Variants in ZFX observed in about 807,000 individuals in gnomAD.
ZFX encodes the protein zinc finger X-chromosomal protein.
For missense variants in ZFX, 362 were observed against 628.3 expected (o/e 0.58, Z 4.53); for synonymous variants, 196 against 226.8 (o/e 0.86, Z 1.22).
chrX:24,182,200 G>T (rs1935745981), intron 5 of ZFX, among the ~76,000 whole-genome samples: 1 of 111,065 alleles, frequency 9.0e-6, no homozygotes, highest in South Asian at 3.8e-4. Context: ...GTTACAGTTT[G>T]AATTGCTTGT....
rs1470147776 is a variant in ZFX, at chrX:24,213,722, TC to T, written c.*2348del. ...TTTAAACTAACTTACAATTTTGTGA[TC>T]CGTGATTCATTGCCCTGCGATTCTT... On this transcript the variant is annotated 3_prime_UTR_variant, in exon 10 of 10. Transcript: ENST00000304543. 1.9e-5 allele frequency: 2 copies of T among 105,747 alleles called. No homozygotes were observed. Among genetic ancestry groups the T allele is most frequent in the Admixed American group, 1.0e-4 (1 of 9,596 alleles). 8.7% of individuals were successfully genotyped at this position (105,747 alleles called of 1,213,427 possible).
chrX:24,167,803 G>T (rs1934146980), intron 3 of ZFX, among the ~76,000 whole-genome samples: 1 of 111,801 alleles, frequency 8.9e-6, no homozygotes, highest in African/African-American at 3.2e-5. Context: ...ATGCTAGTAA[G>T]AATGAACAGA....
intron 1 of ZFX, among the ~76,000 whole-genome samples, chrX:24,151,058 G>A (rs769625925): frequency 1.4e-4 from 16 of 111,989 alleles, no homozygotes; most frequent in Non-Finnish European, 2.6e-4. Context: ...TTGTGCATTT[G>A]CCTGTCATGG....
At chrX:24,193,151 T>C (rs1027901595) in intron 5 of ZFX, among the ~76,000 whole-genome samples, 15 of 112,004 alleles carry the variant, frequency 1.3e-4, no homozygotes, top group African/African-American at 4.5e-4. Context: ...TTCATAGCAG[T>C]ATTATTCACA....
At chrX:24,177,168 G>A (rs1405430478) in intron 4 of ZFX, among the ~76,000 whole-genome samples, 4 of 111,731 alleles carry the variant, frequency 3.6e-5, no homozygotes, top group African/African-American at 9.7e-5. Flanking sequence ...TCCTGACCTC[G>A]GGATCTGCCC....
At chrX:24,166,800 A>G (rs2147413585) in intron 3 of ZFX, among the ~76,000 whole-genome samples, 1 of 112,235 alleles carries the variant, frequency 8.9e-6, no homozygotes, top group Non-Finnish European at 1.9e-5. Flanking sequence ...CCTCAGTGGT[A>G]TGAATCAGAA....
At chrX:24,152,974 T>A (rs1320332880) in intron 3 of ZFX, 144 bp downstream of exon 3, 2 of 112,712 alleles carry the variant, frequency 1.8e-5, no homozygotes, top group Non-Finnish European at 3.7e-5. Flanking sequence ...TGTTAGTTTT[T>A]AATTTCTGTG....
intron 5 of ZFX, among the ~76,000 whole-genome samples, chrX:24,204,972 CTT>C (rs1937520428): frequency 8.9e-6 from 1 of 112,358 alleles, no homozygotes; most frequent in African/African-American, 3.2e-5. Context: ...GAGCCCTTGA[CTT>C]TTTCATATTT....
chrX:24,157,352 A>G (rs1932850313), intron 3 of ZFX, among the ~76,000 whole-genome samples: 1 of 111,901 alleles, frequency 8.9e-6, no homozygotes, highest in Non-Finnish European at 1.9e-5. Flanking sequence ...ATCATATTTC[A>G]TAGATTCTGA....
chrX:24,200,962 A>G (rs1467161148), intron 5 of ZFX, among the ~76,000 whole-genome samples: 3 of 112,577 alleles, frequency 2.7e-5, no homozygotes, highest in African/African-American at 9.7e-5. Flanking sequence ...ATGCTCTTCT[A>G]TTTTGGAGAA....
chrX:24,170,400 AC>A (rs1211719256), intron 3 of ZFX, among the ~76,000 whole-genome samples: 1 of 109,018 alleles, frequency 9.2e-6, no homozygotes, highest in East Asian at 2.9e-4. Context: ...CAGGTGATCC[AC>A]CCGTCTCAGC....
chrX:24,180,833 TC>T (rs1478798249), intron 5 of ZFX, among the ~76,000 whole-genome samples: 1 of 112,173 alleles, frequency 8.9e-6, no homozygotes, highest in African/African-American at 3.2e-5. Flanking sequence ...TATGATGGAT[TC>T]ATATTAGGTT....
At chrX:24,163,111 T>C (rs758086610) in intron 3 of ZFX, among the ~76,000 whole-genome samples, 17 of 109,606 alleles carry the variant, frequency 1.6e-4, no homozygotes, top group African/African-American at 4.3e-4. Flanking sequence ...TTTCAACTTT[T>C]CAGCATCTGT....
chrX:24,169,439 G>T (rs1934346254), intron 3 of ZFX, among the ~76,000 whole-genome samples: 1 of 110,611 alleles, frequency 9.0e-6, no homozygotes, highest in Middle Eastern at 4.6e-3. Context: ...TTGCAGAAAT[G>T]CCTCAATACT....
At chrX:24,173,547 T>A in intron 4 of ZFX, 1 of 1,120,047 alleles carries the variant, frequency 8.9e-7, no homozygotes, top group Non-Finnish European at 1.2e-6. Flanking sequence ...TTACCCATGG[T>A]TATAATTATA....
intron 5 of ZFX, among the ~76,000 whole-genome samples, chrX:24,199,996 A>G (rs927270377): frequency 1.8e-5 from 2 of 110,662 alleles, no homozygotes; most frequent in African/African-American, 6.6e-5. Flanking sequence ...AGAATGATCC[A>G]GTAGAGGATG....
intron 3 of ZFX, among the ~76,000 whole-genome samples, chrX:24,168,333 C>T (rs1934203459): frequency 9.0e-6 from 1 of 111,395 alleles, no homozygotes; most frequent in African/African-American, 3.3e-5. Context: ...TTTTGGGAGA[C>T]CTAAAGCAGA....
intron 1 of ZFX, chrX:24,150,392 C>A (rs1931916656): frequency 8.9e-6 from 1 of 111,893 alleles, no homozygotes; most frequent in Admixed American, 9.3e-5. Flanking sequence ...GCGGCGTGTG[C>A]GCGCGGAGGG....
At chrX:24,190,959 T>C in intron 5 of ZFX, among the ~76,000 whole-genome samples, 1 of 112,151 alleles carries the variant, frequency 8.9e-6, no homozygotes. Context: ...TAGCTGTTGC[T>C]GTGGTTATCA....
Sources: allele counts gnomAD v4.1 joint callset (sites outside exome capture counted in the v4.1 genomes callset), GRCh38; gene constraint gnomAD v4.1.1; transcripts MANE v1.5; gene names NCBI Gene and HGNC (gene_info 2026-07-23, HGNC 2026-07-21).